The following WDR70 variants were observed in gnomAD, a reference collection of about 807,000 sequenced individuals.
WDR70 encodes WD repeat-containing protein 70.
In WDR70, 53 loss-of-function variants were observed where a neutral mutation model predicts 88.6. The observed-to-expected ratio is 0.60, with a 90% confidence interval of 0.48 to 0.75. WDR70 has a LOEUF of 0.75. Among genes scored for constraint, WDR70 ranks in the 30% least tolerant of loss-of-function variants. WDR70 has a pLI of 0.00. For missense variants in WDR70, 610 were observed against 823.2 expected (o/e 0.74, Z 3.17); for synonymous variants, 280 against 270.0 (o/e 1.04, Z -0.36).
At chr5:37,609,170 G>C (rs1744116622) in intron 10 of WDR70, among the ~76,000 whole-genome samples, 1 of 152,140 alleles carries the variant, frequency 6.6e-6, no homozygotes, top group Admixed American at 6.5e-5. Context: ...GGAGAGGAGA[G>C]AGGTATTGGG....
intron 10 of WDR70, among the ~76,000 whole-genome samples, chr5:37,671,902 G>A (rs1746037151): frequency 6.6e-6 from 1 of 151,994 alleles, no homozygotes; most frequent in Non-Finnish European, 1.5e-5. Flanking sequence ...TTTCCTGTAG[G>A]GAAAAAGAGA....
At chr5:37,709,087 A>G (rs1030748553) in intron 13 of WDR70, among the ~76,000 whole-genome samples, 9 of 152,220 alleles carry the variant, frequency 5.9e-5, no homozygotes, top group Non-Finnish European at 1.0e-4. Context: ...AACTTGAGCT[A>G]TCAGCACTGC....
At chr5:37,494,455 G>A (rs1740158544) in intron 8 of WDR70, among the ~76,000 whole-genome samples, 1 of 152,152 alleles carries the variant, frequency 6.6e-6, no homozygotes, top group African/African-American at 2.4e-5. Context: ...TACGGTGACT[G>A]TGGGGGAGAA....
chr5:37,396,232 A>G lies in WDR70; in HGVS notation c.297-143A>G, dbSNP rs1015228483. ...TAAAATATTTGGCATTAAACATTTAATGTTTGAACTACAAATTTAAAAAAA... is the reference window on the plus strand; with the variant it reads ...TAAAATATTTGGCATTAAACATTTAGTGTTTGAACTACAAATTTAAAAAAA... On this transcript the variant is annotated intron_variant, in intron 4 of 17. Transcript: ENST00000265107. 3 of 1,174,228 alleles carry G rather than the reference A, an allele frequency of 2.6e-6. No homozygotes were observed. The African/African-American group carries it at 4.7e-5, about 18-fold the overall frequency. The allele number at this position is 1,174,228 out of a possible 1,614,324, so 72.7% of individuals were successfully genotyped here. A position where few individuals can be genotyped will look rare whatever the true frequency, so the allele number is the denominator to read the frequency against.
chr5:37,565,774 T>C (rs999491099), intron 9 of WDR70, among the ~76,000 whole-genome samples: 1 of 152,112 alleles, frequency 6.6e-6, no homozygotes, highest in African/African-American at 2.4e-5. Flanking sequence ...TAGAAGCCTG[T>C]GGATATTTAG....
intron 10 of WDR70, chr5:37,688,144 T>C (rs573817321): frequency 9.7e-6 from 4 of 411,872 alleles, no homozygotes; most frequent in Non-Finnish European, 1.7e-5. Context: ...AATTGAATGA[T>C]AAAGTATTAT....
At chr5:37,660,841 C>T (rs1038646785) in intron 10 of WDR70, among the ~76,000 whole-genome samples, 2 of 151,962 alleles carry the variant, frequency 1.3e-5, no homozygotes, top group African/African-American at 4.8e-5. Context: ...GCAGATTCAA[C>T]CAACCACAGA....
intron 10 of WDR70, among the ~76,000 whole-genome samples, chr5:37,628,690 A>G (rs1194686681): frequency 6.6e-6 from 1 of 152,216 alleles, no homozygotes; most frequent in Non-Finnish European, 1.5e-5. Flanking sequence ...ATCCACTTAC[A>G]TTCAAGATTA....
chr5:37,493,184 T>C (rs1054757679), intron 8 of WDR70, among the ~76,000 whole-genome samples: 1 of 152,156 alleles, frequency 6.6e-6, no homozygotes, highest in African/African-American at 2.4e-5. Flanking sequence ...ACCAGGGACT[T>C]AGGACACCCC....
At chr5:37,479,634 G>A (rs559782177) in intron 7 of WDR70, 200 bp from the exon 8 acceptor site, 48 of 514,218 alleles carry the variant, frequency 9.3e-5, no homozygotes, top group African/African-American at 7.0e-4. Context: ...GCCTCCCAAA[G>A]TATTGGGATT....
chr5:37,512,729 G>A (rs971152427), intron 8 of WDR70, among the ~76,000 whole-genome samples: 1 of 151,220 alleles, frequency 6.6e-6, no homozygotes, highest in Non-Finnish European at 1.5e-5. Context: ...CTACCGTTGT[G>A]TGCCACCATG....
intron 9 of WDR70, among the ~76,000 whole-genome samples, chr5:37,550,681 T>C (rs562355601): frequency 6.6e-6 from 1 of 152,332 alleles, no homozygotes; most frequent in East Asian, 1.9e-4. Flanking sequence ...CTTGTTCTTT[T>C]ATCTGTTGAA....
At chr5:37,736,843 C>T (rs1748319878) in intron 17 of WDR70, among the ~76,000 whole-genome samples, 1 of 151,742 alleles carries the variant, frequency 6.6e-6, no homozygotes, top group African/African-American at 2.4e-5. Flanking sequence ...ATTATGAAAA[C>T]AAGCAACAAA....
chr5:37,386,046 C>G (rs1364625591), intron 3 of WDR70, among the ~76,000 whole-genome samples: 1 of 151,606 alleles, frequency 6.6e-6, no homozygotes, highest in Non-Finnish European at 1.5e-5. Context: ...ATCTCCTGCC[C>G]TCATGATCCG....
chr5:37,451,513 G>C lies in WDR70; in HGVS notation c.686+8141G>C, dbSNP rs565540673. The stretch of plus-strand genomic sequence containing the variant: ...TTAATTAAAATGTATATAACTACAC[G>C]TGGCTAGGTAGCTGCTGTATTGGAT... On this transcript the variant is annotated intron_variant, in intron 7 of 17. Transcript: ENST00000265107. 2.8e-3 allele frequency among the ~76,000 whole-genome samples: 428 copies of C among 152,202 alleles called. 3 individuals are homozygous for C. The highest frequency in any genetic ancestry group is 0.01 in the African/African-American group (418 of 41,518).
intron 3 of WDR70, among the ~76,000 whole-genome samples, chr5:37,383,295 T>A (rs976651879): frequency 6.6e-6 from 1 of 152,134 alleles, no homozygotes; most frequent in Non-Finnish European, 1.5e-5. Flanking sequence ...AGGCCTGCTC[T>A]GTCGCCCAGG....
chr5:37,426,933 G>T (rs532518212), intron 5 of WDR70, among the ~76,000 whole-genome samples: 1 of 151,866 alleles, frequency 6.6e-6, no homozygotes, highest in Admixed American at 6.6e-5. Flanking sequence ...GCACAACCAT[G>T]CCCAGCTAAT....
At chr5:37,717,099 C>A (rs1349921866) in intron 13 of WDR70, among the ~76,000 whole-genome samples, 1 of 152,084 alleles carries the variant, frequency 6.6e-6, no homozygotes, top group Non-Finnish European at 1.5e-5. Flanking sequence ...CCCTCCACTA[C>A]CAAATTAAAG....
intron 10 of WDR70, among the ~76,000 whole-genome samples, chr5:37,627,744 C>G (rs568885128): frequency 6.6e-6 from 1 of 151,852 alleles, no homozygotes; most frequent in Non-Finnish European, 1.5e-5. Context: ...TTGAATGTTC[C>G]TCTTGTTATG....
Sources: gnomAD v4.1 joint callset for allele counts (sites outside exome capture counted in the v4.1 genomes callset) on GRCh38, gnomAD v4.1.1 for gene constraint, MANE v1.5 for transcripts, NCBI Gene and HGNC (gene_info 2026-07-23, HGNC 2026-07-21) for gene names.